The following MTHFD1L variants were observed in gnomAD, a reference collection of about 807,000 sequenced individuals.
MTHFD1L encodes the protein methylenetetrahydrofolate dehydrogenase (NADP+ dependent) 1 like, also known as monofunctional C1-tetrahydrofolate synthase, mitochondrial.
Under a neutral mutation model 119.5 loss-of-function variants are expected in MTHFD1L, and 81 were observed. The ratio of observed to expected loss-of-function variants is 0.68; its 90% confidence interval spans 0.57 to 0.82. MTHFD1L has a LOEUF of 0.82. Among genes scored for constraint, MTHFD1L ranks in the 40% least tolerant of loss-of-function variants. The pLI is 0.00. For synonymous variants in MTHFD1L, 430 were observed against 475.2 expected (o/e 0.90, Z 1.24); for missense variants, 1,125 against 1,253.4 (o/e 0.90, Z 1.55).
At position 150,965,037 on chromosome 6, in the gene MTHFD1L, A is replaced by G. The variant is rs764804888; in HGVS notation, c.2013A>G (p.Glu671=). 1.9e-6 allele frequency: 3 copies of G among 1,613,748 alleles called. No homozygotes were observed. Among genetic ancestry groups the G allele is most frequent in the South Asian group, 1.1e-5 (1 of 91,074 alleles). ...AACCAAACCTGATGCAGACCCTGGA[A>G]GTAAGTGGTTTTCTTCTTATAGTAA... ...AIKPNLMQTL[E]GTPVFVHAGP... The change falls in exon 19 of 28, where the codon GAA becomes GAG. Residue 671 remains glutamate, a splice_region_variant and synonymous_variant. Transcript: ENST00000367321.
At chr6:151,048,676 T>C (rs1788488334) in intron 26 of MTHFD1L, among the ~76,000 whole-genome samples, 1 of 152,220 alleles carries the variant, frequency 6.6e-6, no homozygotes, top group Admixed American at 6.5e-5. Context: ...TTGGGATCAA[T>C]GTGCTAGTCT....
chr6:151,098,184 A>G (rs536740796), intron 27 of MTHFD1L, among the ~76,000 whole-genome samples: 250 of 152,248 alleles, frequency 1.6e-3, no homozygotes, highest in African/African-American at 5.6e-3. Context: ...AAAAATATAT[A>G]TAATGTATCA....
chr6:150,877,737 C>T (rs775424019), intron 3 of MTHFD1L, 36 bp from the exon 4 acceptor site: 1 of 1,614,074 alleles, frequency 6.2e-7, no homozygotes, highest in Non-Finnish European at 8.5e-7. Flanking sequence ...AATACATTCT[C>T]TTATAGTGAC....
intron 7 of MTHFD1L, among the ~76,000 whole-genome samples, chr6:150,893,165 A>G (rs189434507): frequency 6.6e-6 from 1 of 152,270 alleles, no homozygotes; most frequent in Non-Finnish European, 1.5e-5. Flanking sequence ...CATGGGTTCA[A>G]GAGATTCTCA....
chr6:150,899,035 AC>A (rs1784719277), intron 7 of MTHFD1L: 2 of 991,878 alleles, frequency 2.0e-6, no homozygotes, highest in South Asian at 8.4e-5. Flanking sequence ...ATCTGTCATG[AC>A]TTTTTTAAGT....
intron 19 of MTHFD1L, among the ~76,000 whole-genome samples, chr6:150,967,927 C>T (rs1291561861): frequency 6.6e-6 from 1 of 152,148 alleles, no homozygotes. Flanking sequence ...CATGTTTCCA[C>T]CCCGGTCTGA....
At chr6:150,954,969 C>T (rs551380378) in intron 16 of MTHFD1L, among the ~76,000 whole-genome samples, 80 of 152,036 alleles carry the variant, frequency 5.3e-4, no homozygotes, top group Middle Eastern at 3.4e-3. Context: ...CTCTATTCAC[C>T]ATTCACCCCC....
intron 22 of MTHFD1L, 58 bp downstream of exon 22, chr6:151,013,878 G>A: frequency 6.7e-7 from 1 of 1,483,662 alleles, no homozygotes; most frequent in Non-Finnish European, 9.3e-7. Flanking sequence ...GTGACTCGTT[G>A]GCTTTCAGTG....
At chr6:150,910,594 T>G (rs149868506) in intron 8 of MTHFD1L, among the ~76,000 whole-genome samples, 2 of 151,944 alleles carry the variant, frequency 1.3e-5, no homozygotes. Flanking sequence ...TGCATTGCAC[T>G]TACAGGCTGT....
Position 151,090,827 on chromosome 6 carries a change from CGACTGGGTGCAGCATCGCTCCATGT to C in MTHFD1L, c.2848-1621_2848-1597del, listed in dbSNP as rs1255132811. Among the ~76,000 whole-genome samples the C allele has an allele frequency of 2.4e-3, 366 of 151,768 alleles. 38 individuals carry two copies. Among genetic ancestry groups the C allele is most frequent in the Admixed American group, 6.4e-3 (98 of 15,234 alleles). The stretch of plus-strand genomic sequence containing the variant: ...GTAGAACCTGAATGTCTCCTCCAAG[CGACTGGGTGCAGCATCGCTCCATGT>C]GACTGGGTGCAGCATCGCCCCATGC... On this transcript the variant is annotated intron_variant, in intron 26 of 27. Coordinates refer to ENST00000367321, the MANE Select transcript of MTHFD1L (RefSeq NM_015440.5).
intron 20 of MTHFD1L, among the ~76,000 whole-genome samples, chr6:151,002,079 T>G (rs1189415626): frequency 6.6e-6 from 1 of 152,262 alleles, no homozygotes; most frequent in East Asian, 1.9e-4. Context: ...TAGAGCTACT[T>G]GTTAAATGCT....
At chr6:151,014,318 C>G (rs183363835) in intron 22 of MTHFD1L, among the ~76,000 whole-genome samples, 1 of 152,302 alleles carries the variant, frequency 6.6e-6, no homozygotes, top group Admixed American at 6.5e-5. Context: ...TGGATATAGG[C>G]TTTGTCTACT....
At chr6:151,064,789 G>GTTTTTTTTTTTTTTTTTTTTTTTTTTT (rs63491461) in intron 26 of MTHFD1L, among the ~76,000 whole-genome samples, 1 of 147,796 alleles carries the variant, frequency 6.8e-6, no homozygotes, top group African/African-American at 2.5e-5. Flanking sequence ...TTCTTTTTTT[G>GTTTTTTTTTTTTTTTTTTTTTTTTTTT]TTTTTTTTTT....
chr6:150,955,710 G>C (rs986080376), intron 16 of MTHFD1L, among the ~76,000 whole-genome samples: 1 of 152,064 alleles, frequency 6.6e-6, no homozygotes, highest in Non-Finnish European at 1.5e-5. Flanking sequence ...ATGTTGGCCA[G>C]GCTGGTCTGG....
intron 8 of MTHFD1L, among the ~76,000 whole-genome samples, chr6:150,916,570 C>T (rs1215932311): frequency 7.0e-6 from 1 of 143,490 alleles, no homozygotes; most frequent in Non-Finnish European, 1.5e-5. Context: ...CTCAGGTGAT[C>T]CACCCTACTC....
intron 26 of MTHFD1L, among the ~76,000 whole-genome samples, chr6:151,087,016 G>A (rs1043400558): frequency 7.2e-5 from 11 of 152,114 alleles, no homozygotes. Flanking sequence ...TTGGGAGGCC[G>A]AGGCAGACGA....
intron 11 of MTHFD1L, among the ~76,000 whole-genome samples, chr6:150,932,874 A>AGAAGGAAG (rs55963703): frequency 0.09 from 13,041 of 144,954 alleles, 866 homozygotes; most frequent in Admixed American, 0.18. Flanking sequence ...CCTTAAGGAA[A>AGAAGGAAG]GAAGGAAGGA....
Position 150,979,979 on chromosome 6 carries a change from A to T in MTHFD1L, c.2125+7921A>T, listed in dbSNP as rs548216168. Among the ~76,000 whole-genome samples, 266 of 147,330 alleles carry T rather than the reference A, an allele frequency of 1.8e-3. 1 individual carries two copies. The highest frequency in any genetic ancestry group is 7.8e-3 in the East Asian group (40 of 5,100). On this transcript the variant is annotated intron_variant, in intron 20 of 27. Coordinates refer to ENST00000367321, the MANE Select transcript of MTHFD1L (RefSeq NM_015440.5). ...ATTCTCATGATTTCATCCACCTTTAAAAAAAAAAAAAAATCTGACGTCAAG... is the reference window on the plus strand; with the variant it reads ...ATTCTCATGATTTCATCCACCTTTATAAAAAAAAAAAAATCTGACGTCAAG...
chr6:151,069,736 C>G (rs1280017657), intron 26 of MTHFD1L, among the ~76,000 whole-genome samples: 1 of 152,144 alleles, frequency 6.6e-6, no homozygotes, highest in Non-Finnish European at 1.5e-5. Flanking sequence ...CATCTCAGAG[C>G]TCAGCGGTGC....
Sources: allele counts gnomAD v4.1 joint callset (sites outside exome capture counted in the v4.1 genomes callset), GRCh38; gene constraint gnomAD v4.1.1; transcripts MANE v1.5; gene names NCBI Gene and HGNC (gene_info 2026-07-23, HGNC 2026-07-21).